Variants in OR1J2 observed in about 807,000 individuals in gnomAD.
OR1J2 encodes olfactory receptor 1J2.
For missense variants in OR1J2, 304 were observed against 246.1 expected (o/e 1.24, Z -1.57); for synonymous variants, 142 against 99.7 (o/e 1.42, Z -2.52).
chr9:122,505,137 G>A, the OR1J2 span, among the ~76,000 whole-genome samples: 10 of 152,214 alleles, frequency 6.6e-5, no homozygotes, highest in Admixed American at 6.5e-4. Context: ...GAAGCTGCCC[G>A]CATATAAGCT....
the OR1J2 span, among the ~76,000 whole-genome samples, chr9:122,491,401 AG>A: frequency 2.6e-5 from 4 of 151,976 alleles, no homozygotes; most frequent in Non-Finnish European, 4.4e-5. Context: ...GTAAAAGCTG[AG>A]GAAAAAGAAG....
chr9:122,543,929 G>T, the OR1J2 span, among the ~76,000 whole-genome samples: 3 of 152,162 alleles, frequency 2.0e-5, no homozygotes, highest in Non-Finnish European at 4.4e-5. Flanking sequence ...GGAGTGGTTT[G>T]TTACACAACC....
the OR1J2 span, chr9:122,477,826 A>T: frequency 6.2e-7 from 1 of 1,613,952 alleles, no homozygotes; most frequent in Non-Finnish European, 8.5e-7. Flanking sequence ...GGTCAGGTAC[A>T]TGCCCAGGAA....
chr9:122,511,498 G>A lies in OR1J2; in HGVS notation c.697G>A (p.Gly233Arg), dbSNP rs1419941759. 2 of 780,920 alleles carry A rather than the reference G, an allele frequency of 2.6e-6. No homozygotes were observed. The highest frequency in any genetic ancestry group is 1.3e-5 in the South Asian group (1 of 74,604). 48.4% of individuals were successfully genotyped at this position (780,920 alleles called of 1,614,324 possible). A position where few individuals can be genotyped will look rare whatever the true frequency, so the allele number is the denominator to read the frequency against. The change falls in exon 1 of 1, where the codon GGG (glycine) becomes AGG (arginine). Residue 233 changes from glycine to arginine, a missense_variant. By Grantham distance (125) the Gly-to-Arg change is moderately radical. Coordinates refer to ENST00000335302, the MANE Select transcript of OR1J2 (RefSeq NM_054107.1). ...CATCCTGAGGGTCCCTTCAACCAAA[G>A]GGATCCACAAAGCATTGTCCACATG... The part of the protein sequence containing the change: ...ATILRVPSTK[G>R]IHKALSTCGS...
the OR1J2 span, chr9:122,568,556 G>C: frequency 3.6e-6 from 3 of 836,416 alleles, no homozygotes; most frequent in Non-Finnish European, 5.6e-6. Context: ...TGAGAACCTA[G>C]CAAGTCTTTG....
the OR1J2 span, among the ~76,000 whole-genome samples, chr9:122,473,108 C>A: frequency 6.6e-6 from 1 of 152,140 alleles, no homozygotes; most frequent in Non-Finnish European, 1.5e-5. Context: ...GTCCACATTT[C>A]CCAGTCTGTT....
the OR1J2 span, among the ~76,000 whole-genome samples, chr9:122,496,177 A>G: frequency 1.4e-4 from 21 of 152,160 alleles, no homozygotes; most frequent in Non-Finnish European, 2.9e-4. Context: ...TCCAGCAAGT[A>G]GGTGGTGCTT....
the OR1J2 span, among the ~76,000 whole-genome samples, chr9:122,543,542 CTT>C: frequency 6.6e-6 from 1 of 151,966 alleles, no homozygotes; most frequent in African/African-American, 2.4e-5. Context: ...TATTGCCAGT[CTT>C]TTTATTTTAG....
chr9:122,575,589 T>C, the OR1J2 span, among the ~76,000 whole-genome samples: 1 of 152,268 alleles, frequency 6.6e-6, no homozygotes, highest in East Asian at 1.9e-4. Context: ...CTCTGTCTTG[T>C]TTTCATAGTC....
the OR1J2 span, among the ~76,000 whole-genome samples, chr9:122,566,662 C>G: frequency 1.3e-5 from 2 of 152,076 alleles, no homozygotes; most frequent in Non-Finnish European, 2.9e-5. Context: ...CTGGGATTTC[C>G]CTGAACATCT....
At chr9:122,513,109 T>C (rs903191531), downstream of OR1J2, among the ~76,000 whole-genome samples, 1 of 152,238 alleles carries the variant, frequency 6.6e-6, no homozygotes, top group Non-Finnish European at 1.5e-5. Context: ...TGCCATGTTT[T>C]TTGACATATC....
chr9:122,471,548 C>T, the OR1J2 span: 1 of 152,186 alleles, frequency 6.6e-6, no homozygotes, highest in African/African-American at 2.4e-5. Context: ...AGGTTCCTCA[C>T]TTCCAATGGA....
At chr9:122,519,148 G>A in the OR1J2 span, 1 of 1,595,556 alleles carries the variant, frequency 6.3e-7, no homozygotes, top group Non-Finnish European at 8.6e-7. Context: ...AGCATGAAGA[G>A]GGAGAATCAG....
the OR1J2 span, among the ~76,000 whole-genome samples, chr9:122,474,476 C>T: frequency 6.6e-6 from 1 of 152,164 alleles, no homozygotes; most frequent in Non-Finnish European, 1.5e-5. Context: ...AAGGACAATT[C>T]AAACCTGGCT....
chr9:122,489,351 G>T, the OR1J2 span, among the ~76,000 whole-genome samples: 1 of 151,950 alleles, frequency 6.6e-6, no homozygotes, highest in Non-Finnish European at 1.5e-5. Context: ...CAACAGCCTG[G>T]GTTCCAGAGT....
chr9:122,451,965 G>A, the OR1J2 span, among the ~76,000 whole-genome samples: 1 of 152,218 alleles, frequency 6.6e-6, no homozygotes, highest in African/African-American at 2.4e-5. Flanking sequence ...TGCAAGCTCC[G>A]CCTCCCGGGT....
At chr9:122,566,049 G>A in the OR1J2 span, among the ~76,000 whole-genome samples, 6 of 152,126 alleles carry the variant, frequency 3.9e-5, no homozygotes, top group Non-Finnish European at 7.4e-5. Context: ...ACACAAATTA[G>A]GGTGACCTCT....
the OR1J2 span, among the ~76,000 whole-genome samples, chr9:122,482,790 T>C: frequency 6.6e-6 from 1 of 152,098 alleles, no homozygotes; most frequent in Non-Finnish European, 1.5e-5. Flanking sequence ...ATCTCACTCA[T>C]ATGTGGAATC....
At chr9:122,496,683 T>C in the OR1J2 span, among the ~76,000 whole-genome samples, 4 of 151,982 alleles carry the variant, frequency 2.6e-5, no homozygotes, top group African/African-American at 9.7e-5. Context: ...TGAACATTGG[T>C]TTGGTCTGGA....
Sources: gnomAD v4.1 joint callset for allele counts (sites outside exome capture counted in the v4.1 genomes callset) on GRCh38, gnomAD v4.1.1 for gene constraint, MANE v1.5 for transcripts, NCBI Gene and HGNC (gene_info 2026-07-23, HGNC 2026-07-21) for gene names.